TPRG1: variants seen among roughly 807,000 people sequenced by gnomAD.
TPRG1 encodes tumor protein p63-regulated gene 1 protein.
A neutral mutation model predicts 29.3 loss-of-function variants in TPRG1; 29 were observed. That is an observed-to-expected ratio of 0.99 (90% CI 0.74 to 1.35). TPRG1 has a LOEUF of 1.35. Ranked by LOEUF, TPRG1 falls within the 40% of genes most tolerant of loss-of-function variation. The pLI is 0.00. For synonymous variants in TPRG1, 130 were observed against 116.8 expected (o/e 1.11, Z -0.73); for missense variants, 327 against 335.0 (o/e 0.98, Z 0.19).
chr3:189,004,430 A>C (rs1180171198), intron 2 of TPRG1: 1 of 152,098 alleles, frequency 6.6e-6, no homozygotes, highest in Non-Finnish European at 1.5e-5. Context: ...TGTTTACATG[A>C]TGGATAGTTC....
At chr3:189,135,918 A>G (rs918404001) in intron 3 of TPRG1, among the ~76,000 whole-genome samples, 2 of 151,580 alleles carry the variant, frequency 1.3e-5, no homozygotes, top group African/African-American at 4.9e-5. Flanking sequence ...AATATCTCCT[A>G]CTCTCTGAAG....
chr3:189,070,079 C>CA (rs1000829999), intron 4 of TPRG1, among the ~76,000 whole-genome samples: 1 of 150,994 alleles, frequency 6.6e-6, no homozygotes, highest in Non-Finnish European at 1.5e-5. Context: ...GACTCCATTT[C>CA]AAAAAAAGAA....
intron 3 of TPRG1, among the ~76,000 whole-genome samples, chr3:189,009,280 T>C (rs1231063741): frequency 6.6e-6 from 1 of 152,104 alleles, no homozygotes; most frequent in Admixed American, 6.5e-5. Context: ...GGAAGGATTG[T>C]GGAAAACTTA....
intron 4 of TPRG1, among the ~76,000 whole-genome samples, chr3:189,307,016 C>A (rs1399232868): frequency 6.6e-6 from 1 of 152,116 alleles, no homozygotes; most frequent in African/African-American, 2.4e-5. Context: ...GTGAGAAAGA[C>A]CCAGTCTTCT....
intron 5 of TPRG1, among the ~76,000 whole-genome samples, chr3:189,154,522 A>G (rs535474588): frequency 3.2e-4 from 49 of 151,660 alleles, no homozygotes; most frequent in African/African-American, 1.1e-3. Flanking sequence ...GCTCACTGCA[A>G]CCTCCACCTC....
intron 4 of TPRG1, among the ~76,000 whole-genome samples, chr3:189,075,834 C>A (rs984435297): frequency 6.6e-6 from 1 of 152,176 alleles, no homozygotes; most frequent in Admixed American, 6.5e-5. Flanking sequence ...CTTAGCAAAT[C>A]CCTATCTTCA....
At chr3:189,118,693 T>G (rs1386518140) in intron 1 of TPRG1, among the ~76,000 whole-genome samples, 1 of 152,166 alleles carries the variant, frequency 6.6e-6, no homozygotes, top group African/African-American at 2.4e-5. Context: ...CTTCAGCGAG[T>G]GCAAACCCCA....
At chr3:189,016,129 G>A (rs1466555753) in intron 3 of TPRG1, among the ~76,000 whole-genome samples, 9 of 152,116 alleles carry the variant, frequency 5.9e-5, no homozygotes, top group Non-Finnish European at 2.9e-5. Flanking sequence ...CACAGGGGTC[G>A]AGATGCCCAA....
At chr3:189,128,832 C>T (rs1722781241) in intron 2 of TPRG1, among the ~76,000 whole-genome samples, 1 of 152,144 alleles carries the variant, frequency 6.6e-6, no homozygotes, top group South Asian at 2.1e-4. Flanking sequence ...TGCAAGGGCG[C>T]AATCTCGGCT....
intron 4 of TPRG1, among the ~76,000 whole-genome samples, chr3:189,256,898 C>T (rs919682950): frequency 1.3e-5 from 2 of 152,124 alleles, no homozygotes; most frequent in Non-Finnish European, 2.9e-5. Flanking sequence ...CTATGTGTGT[C>T]TTTGCAAGTG....
chr3:189,143,291 A>G (rs1006468197), intron 3 of TPRG1, among the ~76,000 whole-genome samples: 7 of 152,228 alleles, frequency 4.6e-5, no homozygotes, highest in African/African-American at 1.7e-4. Context: ...CTGGGCTGAG[A>G]GCAGTCAAAG....
At chr3:189,288,191 C>A (rs1718394511) in intron 4 of TPRG1, among the ~76,000 whole-genome samples, 1 of 151,782 alleles carries the variant, frequency 6.6e-6, no homozygotes. Context: ...TGTTTAGATT[C>A]AGATCAATAA....
intron 4 of TPRG1, among the ~76,000 whole-genome samples, chr3:189,259,612 G>A (rs766764265): frequency 2.0e-5 from 3 of 151,720 alleles, no homozygotes; most frequent in East Asian, 1.9e-4. Flanking sequence ...GGGATTACAG[G>A]TGTCTGCCAC....
At chr3:189,215,233 CAT>C in intron 2 of TPRG1, 57 bp from the exon 3 acceptor site, 1 of 1,419,144 alleles carries the variant, frequency 7.0e-7, no homozygotes. Flanking sequence ...ACTAACTAAT[CAT>C]AAGCGCGAAG....
intron 4 of TPRG1, among the ~76,000 whole-genome samples, chr3:189,093,102 G>A (rs548888506): frequency 4.0e-5 from 6 of 151,378 alleles, no homozygotes; most frequent in Admixed American, 2.6e-4. Flanking sequence ...CCCCCAAACC[G>A]AACCCTGTAT....
upstream of TPRG1, among the ~76,000 whole-genome samples, chr3:189,170,384 C>A (rs1280570949): frequency 6.6e-6 from 1 of 152,210 alleles, no homozygotes; most frequent in African/African-American, 2.4e-5. Flanking sequence ...AACATTTATA[C>A]CCAACTCTAC....
rs573930061 is a variant in TPRG1 at position 189,112,992 on chromosome 3, T to C, written c.-744+12788T>C. On this transcript the variant is annotated intron_variant, in intron 1 of 6. Coordinates refer to the TPRG1 transcript ENST00000412373. ...AGTATGGCCATTTTCACGATATTGA[T>C]TCTTCCTATCCATGAGCATGGAATG... Among the ~76,000 whole-genome samples, 13 of 152,340 alleles carry C rather than the reference T, an allele frequency of 8.5e-5. No individual in the cohort carries two copies. The East Asian group carries it at 2.5e-3, about 29-fold the overall frequency.
intron 3 of TPRG1, among the ~76,000 whole-genome samples, chr3:189,141,717 A>G (rs1239352228): frequency 6.6e-6 from 1 of 152,174 alleles, no homozygotes; most frequent in Non-Finnish European, 1.5e-5. Flanking sequence ...GAAGAGCAAA[A>G]CATAGTCCTT....
chr3:189,213,111 C>A (rs1458682877), intron 2 of TPRG1, among the ~76,000 whole-genome samples: 1 of 152,158 alleles, frequency 6.6e-6, no homozygotes, highest in African/African-American at 2.4e-5. Context: ...TCTGGTATAA[C>A]TATTTTCCTT....
Sources: allele counts gnomAD v4.1 joint callset (sites outside exome capture counted in the v4.1 genomes callset), GRCh38; gene constraint gnomAD v4.1.1; transcripts MANE v1.5; gene names NCBI Gene and HGNC (gene_info 2026-07-23, HGNC 2026-07-21).